Variants in KCTD1 observed in about 807,000 individuals in gnomAD.
KCTD1 encodes potassium channel tetramerization domain containing 1.
In KCTD1, 24 loss-of-function variants were observed where a neutral mutation model predicts 66.0. The observed-to-expected ratio is 0.36, with a 90% CI of 0.26 to 0.51. The LOEUF is 0.51. Among genes scored for constraint, KCTD1 ranks in the 20% least tolerant of loss-of-function variants. The pLI is 0.95. For synonymous variants in KCTD1, 511 were observed against 517.2 expected (o/e 0.99, Z 0.16); for missense variants, 943 against 1,205.2 (o/e 0.78, Z 3.22).
At chr18:26,586,221 G>A (rs1986468601) in intron 1 of KCTD1, among the ~76,000 whole-genome samples, 2 of 152,172 alleles carry the variant, frequency 1.3e-5, no homozygotes, top group Admixed American at 6.5e-5. Flanking sequence ...TTTGTGTCGT[G>A]TTTTGGTAAT....
At chr18:26,624,347 A>C (rs370594001) in intron 1 of KCTD1, among the ~76,000 whole-genome samples, 18 of 152,336 alleles carry the variant, frequency 1.2e-4, no homozygotes, top group African/African-American at 4.3e-4. Flanking sequence ...AGCCATTCCC[A>C]TCACAGGCCC....
chr18:26,505,482 C>A (rs932930203), intron 1 of KCTD1, among the ~76,000 whole-genome samples: 3 of 152,246 alleles, frequency 2.0e-5, no homozygotes, highest in African/African-American at 7.2e-5. Context: ...GGAGAGGAAC[C>A]CTTGTCTTAA....
intron 1 of KCTD1, among the ~76,000 whole-genome samples, chr18:26,576,149 T>C (rs550849791): frequency 6.6e-6 from 1 of 152,226 alleles, no homozygotes; most frequent in Non-Finnish European, 1.5e-5. Flanking sequence ...CAGGTTCTTA[T>C]GCATACATCT....
At chr18:26,615,554 C>A (rs912124113) in intron 1 of KCTD1, among the ~76,000 whole-genome samples, 1 of 152,124 alleles carries the variant, frequency 6.6e-6, no homozygotes, top group African/African-American at 2.4e-5. Flanking sequence ...CAGGAAATAT[C>A]AAAGAAATAT....
Position 26,548,423 on chromosome 18 carries a change from C to A in KCTD1, c.114G>T (p.Ala38=), listed in dbSNP as rs757129777. 8.4e-6 allele frequency: 12 copies of A among 1,424,514 alleles called. No homozygotes were observed. The highest frequency in any genetic ancestry group is 4.4e-5 in the South Asian group (3 of 68,272). The allele number at this position is 1,424,514 out of a possible 1,614,324, so 88.2% of individuals were successfully genotyped here. A position where few individuals can be genotyped will look rare whatever the true frequency, so the allele number is the denominator to read the frequency against. The change falls in exon 1 of 5, where the codon GCG becomes GCT. Residue 38 remains alanine (A), a synonymous_variant. Coordinates refer to ENST00000580059, the MANE Select transcript of KCTD1 (RefSeq NM_001142730.3). ...GGCTGTGGCGGCGGCCGCGGCCCCC[C>A]GCGCCGCGCTCGCCCTCGCCCCGCT... is the stretch of plus-strand genomic sequence containing the variant. ...NGERGEGERG[A]GGRGRRHSRP...
chr18:26,638,666 G>A (rs2145058911), intron 1 of KCTD1, among the ~76,000 whole-genome samples: 1 of 152,376 alleles, frequency 6.6e-6, no homozygotes. Flanking sequence ...GCAGCAAAGG[G>A]CAGGTGGCTA....
chr18:26,650,719 T>C (rs1478541860), intron 1 of KCTD1, among the ~76,000 whole-genome samples: 1 of 152,198 alleles, frequency 6.6e-6, no homozygotes, highest in Non-Finnish European at 1.5e-5. Flanking sequence ...CCCCCTCACA[T>C]AGAAAGTCTG....
chr18:26,514,206 C>T lies in KCTD1; in HGVS notation c.1810-12956G>A, dbSNP rs144723404. On this transcript the variant is annotated intron_variant, in intron 1 of 4. Transcript: ENST00000580059. ...AGTAACGATCTCTTGTAAGCAGAAT[C>T]GGTGCCAAGTTTTCCAAAAGATATA... Among the ~76,000 whole-genome samples the T allele has an allele frequency of 2.5e-3, 384 of 152,196 alleles. 5 individuals are homozygous for T. The highest frequency in any genetic ancestry group is 8.6e-3 in the African/African-American group (358 of 41,536).
In KCTD1 at chr18:26,656,974, C is replaced by G. The variant is rs1303936826; in HGVS notation, c.9+386G>C. On this transcript the variant is annotated intron_variant, in intron 1 of 4. Coordinates refer to the KCTD1 transcript ENST00000580191. ...GCTGGCGCGCGGAGCGGCGGGCGGG[C>G]GGCTCTGGCACGGGCTCCCAGAGCC... 7.4e-5 allele frequency among the ~76,000 whole-genome samples: 11 copies of G among 148,806 alleles called. No homozygotes were observed. In the East Asian group the frequency reaches 2.2e-3, roughly 30 times the overall value.
chr18:26,455,380 G>GT lies in KCTD1; in HGVS notation c.*362dup, dbSNP rs1980004491. The stretch of plus-strand genomic sequence containing the variant: ...ATGGCTGTTGTTGGCAATGGAAACT[G>GT]TAAGGAGACTGTGTCCTCACCACTC... On this transcript the variant is annotated 3_prime_UTR_variant, in exon 5 of 5. Transcript: ENST00000580059. The GT allele has an allele frequency of 6.4e-6, 1 of 155,120 alleles. No individual in the cohort carries two copies. The highest frequency in any genetic ancestry group is 2.4e-5 in the African/African-American group (1 of 41,476). 9.6% of individuals were successfully genotyped at this position (155,120 alleles called of 1,614,324 possible). A position where few individuals can be genotyped will look rare whatever the true frequency, so the allele number is the denominator to read the frequency against.
Position 26,476,546 on chromosome 18 carries a change from G to A in KCTD1, c.2102C>T (p.Thr701Ile), listed in dbSNP as rs1197606874. Residue 701 changes from threonine to isoleucine, a missense_variant, in exon 3 of 5, where the codon ACA (threonine) becomes ATA (isoleucine). This residue lies in a region of KCTD1 where 162 missense variants were observed against 232.4 expected (regional missense o/e 0.70). Coordinates refer to ENST00000580059, the MANE Select transcript of KCTD1 (RefSeq NM_001142730.3). The surrounding 1 kb of genome is among the most constrained non-coding windows in gnomAD (Gnocchi z 4.9). ...MFRYILNFLR[T>I]SKLLIPDDFK... ...ATCATCAGGAATGAGGAGTTTGGATGTTCGTAGAAAATTCAAGATATATCT... is the reference window on the plus strand; with the variant it reads ...ATCATCAGGAATGAGGAGTTTGGATATTCGTAGAAAATTCAAGATATATCT... The A allele has an allele frequency of 6.2e-7, 1 of 1,613,252 alleles. No individual in the cohort carries two copies. Among genetic ancestry groups the A allele is most frequent in the Non-Finnish European group, 8.5e-7 (1 of 1,179,730 alleles).
chr18:26,494,614 A>G (rs538012641), intron 2 of KCTD1, among the ~76,000 whole-genome samples: 80 of 152,296 alleles, frequency 5.3e-4, no homozygotes, highest in Non-Finnish European at 1.0e-3. Context: ...GTTTTTTTAA[A>G]AGTCATTTGA....
chr18:26,587,535 A>G (rs1986498156), intron 1 of KCTD1, among the ~76,000 whole-genome samples: 1 of 152,240 alleles, frequency 6.6e-6, no homozygotes, highest in Non-Finnish European at 1.5e-5. Context: ...TCATAACGTG[A>G]TAACAGCCAT....
At chr18:26,616,509 A>C (rs1568010686) in intron 1 of KCTD1, among the ~76,000 whole-genome samples, 1 of 151,840 alleles carries the variant, frequency 6.6e-6, no homozygotes, top group Admixed American at 6.6e-5. Flanking sequence ...ACATACATAC[A>C]TACACACACA....
intron 1 of KCTD1, chr18:26,566,806 A>T (rs1985991190): frequency 6.8e-6 from 1 of 146,502 alleles, no homozygotes; most frequent in Non-Finnish European, 1.5e-5. Context: ...AACAGTCCCC[A>T]AGCTCTACTT....
chr18:26,468,719 G>C lies in KCTD1; in HGVS notation c.2133+7796C>G, dbSNP rs941856186. 6.6e-6 allele frequency among the ~76,000 whole-genome samples: 1 copy of C among 152,084 alleles called. No individual in the cohort carries two copies. The highest frequency in any genetic ancestry group is 1.5e-5 in the Non-Finnish European group (1 of 68,018). On this transcript the variant is annotated intron_variant, in intron 3 of 4. Transcript: ENST00000580059. The surrounding 1 kb of genome is among the most constrained non-coding windows in gnomAD (Gnocchi z 4.8). ...GTGGCGTGGTGGCGTGTGGTGGCGT[G>C]TGCCTGTAGTCCAGCTACTTGGGAG...
chr18:26,635,868 A>G (rs927636867), intron 1 of KCTD1, among the ~76,000 whole-genome samples: 2 of 152,058 alleles, frequency 1.3e-5, no homozygotes, highest in Non-Finnish European at 2.9e-5. Flanking sequence ...GCCCTGGGAG[A>G]TAGGTTCTTT....
chr18:26,491,112 G>A (rs149538683), intron 2 of KCTD1, among the ~76,000 whole-genome samples: 13 of 152,304 alleles, frequency 8.5e-5, no homozygotes, highest in African/African-American at 2.4e-4. Context: ...GTGTGTGAGT[G>A]TATGCATGCA....
In KCTD1 at chr18:26,517,645, G is replaced by A. The variant is rs577028614; in HGVS notation, c.1810-16395C>T. ...GCACTCCAGCCTGGGCAACAAGAGC[G>A]AAACTCCGTCTCCAAAAAAAAAAAA... On this transcript the variant is annotated intron_variant, in intron 1 of 4. Coordinates refer to ENST00000580059, the MANE Select transcript of KCTD1 (RefSeq NM_001142730.3). Among the ~76,000 whole-genome samples the A allele has an allele frequency of 5.9e-3, 600 of 100,932 alleles. 1 individual carries two copies. Among genetic ancestry groups the A allele is most frequent in the Non-Finnish European group, 8.6e-3 (480 of 56,014 alleles). 66.2% of individuals were successfully genotyped at this position (100,932 alleles called of 152,430 possible). A position where few individuals can be genotyped will look rare whatever the true frequency, so the allele number is the denominator to read the frequency against.
Sources: gnomAD v4.1 joint callset for allele counts (sites outside exome capture counted in the v4.1 genomes callset) on GRCh38, gnomAD v4.1.1 for gene constraint, gnomAD v4.1.1 regional missense constraint, Gnocchi (gnomAD v3.1) non-coding constraint, MANE v1.5 for transcripts, NCBI Gene and HGNC (gene_info 2026-07-23, HGNC 2026-07-21) for gene names.